Variants in AUTS2 observed in about 807,000 individuals in gnomAD.
The protein encoded by AUTS2 is autism susceptibility gene 2 protein.
A neutral mutation model predicts 112.4 loss-of-function variants in AUTS2; 17 were observed. The observed-to-expected ratio is 0.15, with a 90% CI of 0.10 to 0.23. The LOEUF (loss-of-function observed/expected upper bound fraction) is 0.23. Ranked by LOEUF, AUTS2 falls within the 10% of genes least tolerant of loss-of-function variation. The pLI is 1.00. For synonymous variants in AUTS2, 751 were observed against 702.7 expected (o/e 1.07, Z -1.09); for missense variants, 1,510 against 1,701.6 (o/e 0.89, Z 1.98).
At chr7:70,010,268 C>T (rs994761247) in intron 2 of AUTS2, among the ~76,000 whole-genome samples, 1 of 152,150 alleles carries the variant, frequency 6.6e-6, no homozygotes, top group African/African-American at 2.4e-5. Flanking sequence ...ACCTCAGCCT[C>T]CCAAGTGGCT....
chr7:70,572,247 C>T (rs561956894), intron 5 of AUTS2, among the ~76,000 whole-genome samples: 3 of 152,074 alleles, frequency 2.0e-5, no homozygotes, highest in East Asian at 3.9e-4. Flanking sequence ...CTGGCAGATG[C>T]AGACGAGGTG....
At chr7:69,690,317 C>A (rs1279585292) in intron 1 of AUTS2, among the ~76,000 whole-genome samples, 1 of 152,222 alleles carries the variant, frequency 6.6e-6, no homozygotes, top group Non-Finnish European at 1.5e-5. Context: ...ATTGCTCTCA[C>A]TGTCACAGGA....
At chr7:70,081,951 T>G (rs1803339676) in intron 2 of AUTS2, among the ~76,000 whole-genome samples, 2 of 145,482 alleles carry the variant, frequency 1.4e-5, no homozygotes, top group East Asian at 3.9e-4. Context: ...TGTGTGTGTG[T>G]GTGTGTGTGT....
chr7:69,692,406 T>C (rs1334903021), intron 1 of AUTS2, among the ~76,000 whole-genome samples: 2 of 152,214 alleles, frequency 1.3e-5, no homozygotes, highest in African/African-American at 4.8e-5. Flanking sequence ...CCAGTGTTGC[T>C]CTGGTACTTA....
chr7:70,203,796 A>G (rs577496599), intron 4 of AUTS2, among the ~76,000 whole-genome samples: 115 of 150,890 alleles, frequency 7.6e-4, no homozygotes, highest in Non-Finnish European at 1.4e-3. Flanking sequence ...ATTCATTTGT[A>G]TCCCTTTGAT....
rs1355934807 is a variant in AUTS2 at position 70,154,188 on chromosome 7, A to G, written c.660+19617A>G. On this transcript the variant is annotated intron_variant, in intron 4 of 18. Coordinates refer to ENST00000342771, the MANE Select transcript of AUTS2 (RefSeq NM_015570.4). The stretch of plus-strand genomic sequence containing the variant: ...CTGACAATTTGTGACACAGCAGTCT[A>G]TCCAAATCACCTTTTACCTATGTCA... Among the ~76,000 whole-genome samples the G allele has an allele frequency of 2.0e-5, 3 of 152,222 alleles. No individual in the cohort carries two copies. The East Asian group carries it at 5.8e-4, about 29-fold the overall frequency.
chr7:70,278,623 A>G (rs1032218664), intron 4 of AUTS2, among the ~76,000 whole-genome samples: 2 of 151,602 alleles, frequency 1.3e-5, no homozygotes, highest in African/African-American at 2.4e-5. Context: ...ACATACATAC[A>G]TATGTACATG....
intron 2 of AUTS2, among the ~76,000 whole-genome samples, chr7:70,018,387 A>T (rs1380645493): frequency 6.6e-6 from 1 of 152,206 alleles, no homozygotes; most frequent in African/African-American, 2.4e-5. Context: ...ACACTTTATC[A>T]GGACTGAAGG....
intron 4 of AUTS2, among the ~76,000 whole-genome samples, chr7:70,391,299 G>A (rs1793846085): frequency 6.6e-6 from 1 of 152,178 alleles, no homozygotes; most frequent in African/African-American, 2.4e-5. Context: ...TGAGAATATT[G>A]AGGCCATTTC....
chr7:70,698,643 A>G (rs1458009917), intron 6 of AUTS2, 23 bp downstream of exon 6: 8 of 1,569,460 alleles, frequency 5.1e-6, no homozygotes, highest in Non-Finnish European at 7.0e-6. Context: ...CATTCTCCTG[A>G]GTAATGGCTT....
intron 4 of AUTS2, among the ~76,000 whole-genome samples, chr7:70,142,544 G>C (rs562051503): frequency 6.6e-6 from 1 of 152,146 alleles, no homozygotes; most frequent in Non-Finnish European, 1.5e-5. Flanking sequence ...TTGTTTGAAA[G>C]TAATGTATTT....
At chr7:70,571,799 CA>C (rs1270188773) in intron 5 of AUTS2, among the ~76,000 whole-genome samples, 3 of 152,182 alleles carry the variant, frequency 2.0e-5, no homozygotes, top group Non-Finnish European at 2.9e-5. Context: ...TCCAGATGCA[CA>C]GGGCAGTCAC....
intron 1 of AUTS2, among the ~76,000 whole-genome samples, chr7:69,678,622 T>C (rs903652910): frequency 5.9e-5 from 9 of 152,194 alleles, no homozygotes; most frequent in African/African-American, 2.2e-4. Flanking sequence ...TTGTGGCCTT[T>C]ATAAGGCTGT....
At chr7:69,850,494 A>C (rs1369344058) in intron 1 of AUTS2, among the ~76,000 whole-genome samples, 2 of 145,968 alleles carry the variant, frequency 1.4e-5, no homozygotes. Flanking sequence ...TGTATGAGGG[A>C]ATCAGCATCC....
intron 4 of AUTS2, among the ~76,000 whole-genome samples, chr7:70,156,802 C>T (rs1413642513): frequency 1.4e-5 from 2 of 146,070 alleles, no homozygotes; most frequent in Non-Finnish European, 3.0e-5. Context: ...ATAATCCCAG[C>T]ACTTTGGGAA....
chr7:70,344,840 G>A (rs1230052957), intron 4 of AUTS2, among the ~76,000 whole-genome samples: 1 of 152,140 alleles, frequency 6.6e-6, no homozygotes, highest in East Asian at 1.9e-4. Flanking sequence ...GTTTTCAGGA[G>A]GGACTCTTTT....
At chr7:69,829,769 C>T (rs752123578) in intron 1 of AUTS2, among the ~76,000 whole-genome samples, 29 of 152,080 alleles carry the variant, frequency 1.9e-4, no homozygotes, top group Non-Finnish European at 3.4e-4. Context: ...GAAATAGGAA[C>T]GCTTTTACAC....
chr7:70,236,045 C>G (rs540770878), intron 4 of AUTS2, among the ~76,000 whole-genome samples: 183 of 152,286 alleles, frequency 1.2e-3, no homozygotes, highest in African/African-American at 4.0e-3. Context: ...TTCGATATAA[C>G]ATTTTATATT....
intron 4 of AUTS2, among the ~76,000 whole-genome samples, chr7:70,389,237 C>T (rs1793743553): frequency 6.6e-6 from 1 of 152,158 alleles, no homozygotes; most frequent in South Asian, 2.1e-4. Context: ...GCCACTCCAC[C>T]TTATCCTACC....
Sources: allele counts gnomAD v4.1 joint callset (sites outside exome capture counted in the v4.1 genomes callset), GRCh38; gene constraint gnomAD v4.1.1; transcripts MANE v1.5; gene names NCBI Gene and HGNC (gene_info 2026-07-23, HGNC 2026-07-21).